EPHA6: variants seen among roughly 807,000 people sequenced by gnomAD.
EPHA6 encodes the protein ephrin type-A receptor 6.
In EPHA6, 50 loss-of-function variants were observed where a neutral mutation model predicts 112.0. That is an observed-to-expected ratio of 0.45 (90% CI 0.36 to 0.56). The LOEUF (loss-of-function observed/expected upper bound fraction) is 0.56, where lower values mean the gene tolerates loss of function less well. Ranked by LOEUF, EPHA6 falls within the 20% of genes least tolerant of loss-of-function variation. The pLI, the probability that EPHA6 is intolerant of heterozygous loss-of-function variation, is 0.00. For missense variants in EPHA6, 1,280 were observed against 1,417.4 expected, an observed-to-expected ratio of 0.90 and a Z score of 1.56; for synonymous variants, 529 against 490.7, an observed-to-expected ratio of 1.08 and a Z score of -1.03.
At chr3:97,010,091 A>T in intron 3 of EPHA6, 1 of 1,280,562 alleles carries the variant, frequency 7.8e-7, no homozygotes, top group Non-Finnish European at 1.0e-6. Flanking sequence ...AAAGCAAAAG[A>T]GTAGCATTAC....
chr3:96,872,601 G>T (rs1324095313), intron 2 of EPHA6, among the ~76,000 whole-genome samples: 1 of 152,036 alleles, frequency 6.6e-6, no homozygotes, highest in African/African-American at 2.4e-5. Flanking sequence ...ACAAAGTACA[G>T]AATTCCAGGT....
chr3:97,269,616 G>T (rs1576810251), intron 5 of EPHA6, among the ~76,000 whole-genome samples: 1 of 152,102 alleles, frequency 6.6e-6, no homozygotes, highest in South Asian at 2.1e-4. Flanking sequence ...AACTAGCACC[G>T]TTGCCTGGGT....
chr3:97,376,689 C>T (rs1366341619), intron 5 of EPHA6, among the ~76,000 whole-genome samples: 1 of 152,144 alleles, frequency 6.6e-6, no homozygotes, highest in African/African-American at 2.4e-5. Flanking sequence ...AATGAGACAG[C>T]AAGATTCCTG....
At chr3:97,034,742 A>G (rs954792077) in intron 3 of EPHA6, among the ~76,000 whole-genome samples, 37 of 152,010 alleles carry the variant, frequency 2.4e-4, no homozygotes, top group African/African-American at 7.9e-4. Flanking sequence ...GGTTATGTGC[A>G]CACACACACA....
At position 97,375,698 on chromosome 3, in the gene EPHA6, T is replaced by C. The variant is rs371398964; in HGVS notation, c.1607-29452T>C. ...TGAATATTTGAATCCTTACTACAGA[T>C]ATAACATTAATGCTTGAAAATATTA... is the stretch of plus-strand genomic sequence containing the variant. On this transcript the variant is annotated intron_variant, in intron 5 of 17. Coordinates refer to ENST00000389672, the MANE Select transcript of EPHA6 (RefSeq NM_001080448.3). Among the ~76,000 whole-genome samples, 35 of 152,128 alleles carry C rather than the reference T, an allele frequency of 2.3e-4. 2 individuals are homozygous for C. The highest frequency in any genetic ancestry group is 1.3e-3 in the East Asian group (7 of 5,202).
At chr3:97,319,854 A>G (rs2082024935) in intron 5 of EPHA6, among the ~76,000 whole-genome samples, 1 of 152,018 alleles carries the variant, frequency 6.6e-6, no homozygotes, top group African/African-American at 2.4e-5. Context: ...AAACTTTTAA[A>G]TACTGAGTAC....
chr3:97,548,164 GGGAGCTGTAGACC>G (rs1478278509), intron 11 of EPHA6, among the ~76,000 whole-genome samples: 15 of 152,298 alleles, frequency 9.8e-5, no homozygotes, highest in Admixed American at 7.2e-4. Context: ...GGCTCACACT[GGGAGCTGTAGACC>G]GGAGCTGTTC....
chr3:97,100,291 T>C (rs1322025693), intron 3 of EPHA6, among the ~76,000 whole-genome samples: 1 of 150,718 alleles, frequency 6.6e-6, no homozygotes, highest in Non-Finnish European at 1.5e-5. Context: ...TAACATTCTC[T>C]AAGCAGTTTT....
chr3:97,034,273 G>A (rs754344332), intron 3 of EPHA6, among the ~76,000 whole-genome samples: 9 of 151,892 alleles, frequency 5.9e-5, no homozygotes, highest in Non-Finnish European at 1.2e-4. Flanking sequence ...TCTTAGTGAT[G>A]AATTTTGTAC....
intron 5 of EPHA6, among the ~76,000 whole-genome samples, chr3:97,285,876 T>G (rs2080449089): frequency 6.6e-6 from 1 of 152,140 alleles, no homozygotes; most frequent in Non-Finnish European, 1.5e-5. Context: ...AGTTTCCTTT[T>G]CTCCACATCC....
At chr3:96,930,202 C>G (rs2040240777) in intron 2 of EPHA6, among the ~76,000 whole-genome samples, 1 of 152,220 alleles carries the variant, frequency 6.6e-6, no homozygotes, top group Non-Finnish European at 1.5e-5. Context: ...TACCTACCTT[C>G]TGAAGGCTAT....
intron 6 of EPHA6, among the ~76,000 whole-genome samples, chr3:97,413,029 CT>C (rs2087842307): frequency 6.6e-6 from 1 of 151,228 alleles, no homozygotes; most frequent in Non-Finnish European, 1.5e-5. Context: ...AAGAAAATGC[CT>C]TCTGGGGAGT....
rs868260106 is a variant in EPHA6, at chr3:96,814,840, C to G, written c.217C>G (p.Gln73Glu). The G allele has an allele frequency of 8.7e-5, 138 of 1,577,360 alleles. No homozygotes were observed. Among genetic ancestry groups the G allele is most frequent in the Non-Finnish European group, 1.1e-4 (129 of 1,161,180 alleles). ...CGTGGACAAGGACCCCCATCCTACC[C>G]AGAACACCTGCCTGCGCTGCCGCCA... ...EDVDKDPHPTQNTCLRCRHFS... is the reference protein window; with the variant it reads ...EDVDKDPHPTENTCLRCRHFS... Residue 73 changes from glutamine (Q) to glutamate (E), a missense_variant, in exon 1 of 18, where the codon CAG becomes GAG. Around this residue, in one of 4 missense-constraint regions of EPHA6, gnomAD observed 220 missense variants for 171.5 expected, o/e 1.28. Coordinates refer to ENST00000389672, the MANE Select transcript of EPHA6 (RefSeq NM_001080448.3).
At chr3:97,738,583 G>A (rs951513194) in intron 16 of EPHA6, among the ~76,000 whole-genome samples, 3 of 152,038 alleles carry the variant, frequency 2.0e-5, no homozygotes, top group Non-Finnish European at 2.9e-5. Context: ...GGATCCAGAG[G>A]TCAAGTCAAG....
chr3:97,012,479 T>C (rs1420063363), intron 3 of EPHA6, among the ~76,000 whole-genome samples: 2 of 150,434 alleles, frequency 1.3e-5, no homozygotes, highest in Admixed American at 6.7e-5. Context: ...GTGTGCCACC[T>C]GCCCAACTAA....
intron 1 of EPHA6, among the ~76,000 whole-genome samples, chr3:96,831,537 A>T (rs1352162556): frequency 6.6e-6 from 1 of 151,664 alleles, no homozygotes; most frequent in African/African-American, 2.4e-5. Flanking sequence ...TTGCCAATTG[A>T]CACTTTTATT....
At chr3:96,847,991 C>G (rs1004033499) in intron 1 of EPHA6, among the ~76,000 whole-genome samples, 8 of 152,086 alleles carry the variant, frequency 5.3e-5, no homozygotes, top group East Asian at 1.9e-4. Context: ...GTAATAGTCA[C>G]TTGCAGTACT....
chr3:97,515,564 G>A (rs1316419806), intron 10 of EPHA6, among the ~76,000 whole-genome samples: 1 of 152,206 alleles, frequency 6.6e-6, no homozygotes, highest in Non-Finnish European at 1.5e-5. Flanking sequence ...TTACTCTAAA[G>A]TGAAGCTCTT....
intron 16 of EPHA6, among the ~76,000 whole-genome samples, chr3:97,737,364 C>T (rs1290760552): frequency 5.3e-5 from 8 of 151,876 alleles, no homozygotes; most frequent in Non-Finnish European, 7.4e-5. Flanking sequence ...GTAACTAAAG[C>T]TAGAAAAGAT....
Sources: allele counts gnomAD v4.1 joint callset (sites outside exome capture counted in the v4.1 genomes callset), GRCh38; gene constraint gnomAD v4.1.1; regional missense constraint gnomAD v4.1.1; transcripts MANE v1.5; gene names NCBI Gene and HGNC (gene_info 2026-07-23, HGNC 2026-07-21).